Variants in DPP10 observed in about 807,000 individuals in gnomAD.
The protein encoded by DPP10 is inactive dipeptidyl peptidase 10.
A neutral mutation model predicts 120.9 loss-of-function variants in DPP10; 33 were observed. That is an observed-to-expected ratio of 0.27 (90% CI 0.21 to 0.37). The LOEUF (loss-of-function observed/expected upper bound fraction) is 0.37. Ranked by LOEUF, DPP10 falls within the 10% of genes least tolerant of loss-of-function variation. The pLI is 1.00. For synonymous variants in DPP10, 337 were observed against 326.1 expected (o/e 1.03, Z -0.36); for missense variants, 816 against 942.8 (o/e 0.87, Z 1.76).
intron 1 of DPP10, among the ~76,000 whole-genome samples, chr2:114,712,289 C>A (rs1303080525): frequency 1.3e-5 from 2 of 152,148 alleles, no homozygotes; most frequent in African/African-American, 2.4e-5. Context: ...CACTGCACTC[C>A]AGCCTGGGCG....
chr2:115,738,972 G>T (rs2149687233), intron 8 of DPP10, among the ~76,000 whole-genome samples: 1 of 152,276 alleles, frequency 6.6e-6, no homozygotes, highest in East Asian at 1.9e-4. Context: ...GCTAGTAGCA[G>T]CCAAGTTGTT....
chr2:115,119,064 T>A (rs1318367997), intron 1 of DPP10, among the ~76,000 whole-genome samples: 1 of 152,170 alleles, frequency 6.6e-6, no homozygotes, highest in African/African-American at 2.4e-5. Context: ...TTTCATACAT[T>A]GGCATTCATC....
At chr2:115,323,613 G>A (rs1320087173) in intron 2 of DPP10, among the ~76,000 whole-genome samples, 1 of 152,122 alleles carries the variant, frequency 6.6e-6, no homozygotes, top group Non-Finnish European at 1.5e-5. Flanking sequence ...CTTATCAAAT[G>A]TAATTCTTAA....
chr2:114,955,508 C>T (rs1698134575), intron 1 of DPP10, among the ~76,000 whole-genome samples: 1 of 152,116 alleles, frequency 6.6e-6, no homozygotes, highest in African/African-American at 2.4e-5. Context: ...CCGAATTCTA[C>T]CAAACATTTA....
intron 5 of DPP10, among the ~76,000 whole-genome samples, chr2:115,555,268 C>G (rs1050115788): frequency 1.3e-5 from 2 of 151,868 alleles, no homozygotes; most frequent in African/African-American, 4.8e-5. Context: ...TTCCTCTGCC[C>G]TCTTACGTTT....
chr2:114,863,512 A>G (rs978562566), intron 1 of DPP10, among the ~76,000 whole-genome samples: 1 of 152,014 alleles, frequency 6.6e-6, no homozygotes, highest in South Asian at 2.1e-4. Flanking sequence ...TCACTCTTCC[A>G]TTCTCCACTA....
Position 115,833,510 on chromosome 2 carries a change from T to C in DPP10, c.1951-2647T>C, listed in dbSNP as rs555166385. On this transcript the variant is annotated intron_variant, in intron 21 of 25. Coordinates refer to ENST00000410059, the MANE Select transcript of DPP10 (RefSeq NM_020868.6). ...ACACTTTCAAGAGCTGTTTCCACTT[T>C]TGCTTTATGATACAGGTTCAACGTA... Among the ~76,000 whole-genome samples the C allele has an allele frequency of 1.4e-4, 22 of 152,298 alleles. No homozygotes were observed. The South Asian group carries it at 4.4e-3, about 30-fold the overall frequency.
rs550717266 is a variant in DPP10, at chr2:115,812,008, G to C, written c.1701-2785G>C. 3.0e-4 allele frequency among the ~76,000 whole-genome samples: 45 copies of C among 152,214 alleles called. No individual in the cohort carries two copies. The South Asian group carries it at 7.3e-3, about 25-fold the overall frequency. On this transcript the variant is annotated intron_variant, in intron 19 of 25. Coordinates refer to ENST00000410059, the MANE Select transcript of DPP10 (RefSeq NM_020868.6). Reference sequence around the variant, plus strand: ...GTCCTATAAATCTAATCATGGTTTTGTTCATTATACTTCATAAAGTATTTT... The same window carrying C: ...GTCCTATAAATCTAATCATGGTTTTCTTCATTATACTTCATAAAGTATTTT...
At position 115,028,054 on chromosome 2, in the gene DPP10, T is replaced by C. The variant is rs539351237; in HGVS notation, c.61-281185T>C. ...TTGTTTATCTTTTCCAAAAACCAAC[T>C]TTTCGTTTTATCGACCTGTTTTACT... On this transcript the variant is annotated intron_variant, in intron 1 of 25. Transcript: ENST00000410059. Among the ~76,000 whole-genome samples, 151 of 152,236 alleles carry C rather than the reference T, an allele frequency of 9.9e-4. 2 individuals carry two copies. Among genetic ancestry groups the C allele is most frequent in the African/African-American group, 3.5e-3 (145 of 41,586 alleles).
intron 3 of DPP10, among the ~76,000 whole-genome samples, chr2:115,354,328 C>A (rs1300286313): frequency 6.6e-6 from 1 of 152,046 alleles, no homozygotes; most frequent in East Asian, 1.9e-4. Context: ...CTCCCACATT[C>A]CCTCCCTACC....
intron 1 of DPP10, among the ~76,000 whole-genome samples, chr2:115,070,228 T>C: frequency 6.6e-6 from 1 of 152,132 alleles, no homozygotes; most frequent in East Asian, 1.9e-4. Context: ...TTGTCAGCTA[T>C]GCAAATGCTA....
intron 3 of DPP10, chr2:115,468,016 G>C (rs1033574559): frequency 5.1e-5 from 18 of 356,398 alleles, no homozygotes; most frequent in South Asian, 3.7e-4. Context: ...GGCCCAGATG[G>C]TACTGGATTC....
intron 1 of DPP10, among the ~76,000 whole-genome samples, chr2:114,815,645 C>A (rs905976626): frequency 6.6e-6 from 1 of 152,152 alleles, no homozygotes; most frequent in African/African-American, 2.4e-5. Flanking sequence ...GAATTTCAGT[C>A]ATCACTAAAT....
chr2:114,957,670 A>G (rs951942320), intron 1 of DPP10, among the ~76,000 whole-genome samples: 4 of 152,230 alleles, frequency 2.6e-5, no homozygotes, highest in African/African-American at 7.2e-5. Context: ...CTTGTTCACA[A>G]TAGTCAAGAT....
At chr2:115,668,660 G>T (rs1263430602) in intron 5 of DPP10, among the ~76,000 whole-genome samples, 1 of 151,996 alleles carries the variant, frequency 6.6e-6, no homozygotes, top group Non-Finnish European at 1.5e-5. Flanking sequence ...AGGGTGGGCT[G>T]GTCTGTCAGG....
chr2:115,713,641 G>A (rs1260097947), intron 7 of DPP10, among the ~76,000 whole-genome samples: 1 of 152,184 alleles, frequency 6.6e-6, no homozygotes, highest in Non-Finnish European at 1.5e-5. Flanking sequence ...ATTTCTTGAA[G>A]CATGTGATGA....
chr2:115,094,654 C>T (rs1709567426), intron 1 of DPP10, among the ~76,000 whole-genome samples: 2 of 152,094 alleles, frequency 1.3e-5, no homozygotes, highest in South Asian at 4.1e-4. Context: ...CCGAGGTCAG[C>T]AGAATTTCAT....
chr2:114,673,159 T>A (rs1234232507), intron 1 of DPP10, among the ~76,000 whole-genome samples: 1 of 152,186 alleles, frequency 6.6e-6, no homozygotes, highest in Non-Finnish European at 1.5e-5. Context: ...AATTGTAAGT[T>A]CCTGTGTCTG....
At chr2:114,739,483 A>G (rs1205368949) in intron 1 of DPP10, among the ~76,000 whole-genome samples, 1 of 151,902 alleles carries the variant, frequency 6.6e-6, no homozygotes, top group Non-Finnish European at 1.5e-5. Flanking sequence ...ACATAGCAAA[A>G]CCCCATCTCT....
Sources: allele counts gnomAD v4.1 joint callset (sites outside exome capture counted in the v4.1 genomes callset), GRCh38; gene constraint gnomAD v4.1.1; transcripts MANE v1.5; gene names NCBI Gene and HGNC (gene_info 2026-07-23, HGNC 2026-07-21).